The following CLSTN2 variants were observed in gnomAD, a reference collection of about 807,000 sequenced individuals.
CLSTN2 encodes calsyntenin-2.
Under a neutral mutation model 101.2 loss-of-function variants are expected in CLSTN2, and 48 were observed. The ratio of observed to expected loss-of-function variants is 0.47; its 90% CI spans 0.38 to 0.60. CLSTN2 has a LOEUF of 0.60. Among genes scored for constraint, CLSTN2 ranks in the 20% least tolerant of loss-of-function variants. CLSTN2 has a pLI of 0.00. For synonymous variants in CLSTN2, 481 were observed against 463.6 expected, an observed-to-expected ratio of 1.04 and a Z score of -0.48; for missense variants, 1,160 against 1,238.2, an observed-to-expected ratio of 0.94 and a Z score of 0.95.
chr3:140,052,122 G>T (rs998874808), intron 1 of CLSTN2, among the ~76,000 whole-genome samples: 1 of 152,202 alleles, frequency 6.6e-6, no homozygotes, highest in Admixed American at 6.5e-5. Flanking sequence ...AGTCTGTGCA[G>T]TGGGCTCTTC....
intron 8 of CLSTN2, among the ~76,000 whole-genome samples, chr3:140,470,039 T>C (rs1443137064): frequency 6.6e-6 from 1 of 152,198 alleles, no homozygotes; most frequent in Admixed American, 6.5e-5. Flanking sequence ...TACAGAACTT[T>C]CTGGCCTTGG....
At chr3:139,994,347 C>A (rs1936165587) in intron 1 of CLSTN2, among the ~76,000 whole-genome samples, 1 of 152,148 alleles carries the variant, frequency 6.6e-6, no homozygotes, top group South Asian at 2.1e-4. Context: ...GTCATAATTC[C>A]ACATCCATGT....
At chr3:140,015,167 C>G (rs2007175985) in intron 1 of CLSTN2, among the ~76,000 whole-genome samples, 1 of 152,176 alleles carries the variant, frequency 6.6e-6, no homozygotes. Context: ...CCTACTCTTA[C>G]AAGGGACTAC....
intron 1 of CLSTN2, among the ~76,000 whole-genome samples, chr3:139,948,286 G>A (rs552299087): frequency 6.6e-6 from 1 of 152,150 alleles, no homozygotes; most frequent in South Asian, 2.1e-4. Flanking sequence ...TGGAAAATGT[G>A]AGCAAAAGCA....
At chr3:140,432,926 G>A (rs1266612872) in intron 5 of CLSTN2, among the ~76,000 whole-genome samples, 2 of 152,172 alleles carry the variant, frequency 1.3e-5, no homozygotes, top group African/African-American at 4.8e-5. Flanking sequence ...CATGCACGTG[G>A]TCATTTATTC....
chr3:140,483,556 CATT>C (rs1934172992), intron 8 of CLSTN2, among the ~76,000 whole-genome samples: 1 of 152,090 alleles, frequency 6.6e-6, no homozygotes, highest in Non-Finnish European at 1.5e-5. Flanking sequence ...TAAACTCTCC[CATT>C]ATTATTGTGT....
chr3:140,404,922 G>A (rs1272729207), intron 4 of CLSTN2, among the ~76,000 whole-genome samples, 156 bp downstream of exon 4: 2 of 152,248 alleles, frequency 1.3e-5, no homozygotes, highest in Non-Finnish European at 2.9e-5. Flanking sequence ...TCCCACACTT[G>A]AGGGAATGGC....
intron 1 of CLSTN2, among the ~76,000 whole-genome samples, chr3:139,991,985 T>C (rs1398828369): frequency 6.6e-6 from 1 of 152,194 alleles, no homozygotes; most frequent in Non-Finnish European, 1.5e-5. Flanking sequence ...TTGAGACCCA[T>C]TGTCCAGGTC....
chr3:140,485,725 G>C (rs1934226878), intron 8 of CLSTN2, among the ~76,000 whole-genome samples: 1 of 152,140 alleles, frequency 6.6e-6, no homozygotes, highest in Admixed American at 6.5e-5. Flanking sequence ...AGCAATGAGT[G>C]AGGCTCCATG....
rs546682978 is a variant in CLSTN2 at position 140,114,100 on chromosome 3, C to T, written c.110-61851C>T. ...TGGAGTTCAGGATGAGGCTCAGATT[C>T]CTTGCCTTGCCCATAAGGCTCAAAA... On this transcript the variant is annotated intron_variant, in intron 1 of 16. Coordinates refer to ENST00000458420, the MANE Select transcript of CLSTN2 (RefSeq NM_022131.3). Among the ~76,000 whole-genome samples the T allele has an allele frequency of 2.6e-5, 4 of 152,244 alleles. No homozygotes were observed. The South Asian group carries it at 8.3e-4, about 32-fold the overall frequency.
chr3:140,454,597 A>G (rs550362311), intron 6 of CLSTN2: 1 of 152,350 alleles, frequency 6.6e-6, no homozygotes, highest in South Asian at 2.1e-4. Flanking sequence ...ATGCTGTAGT[A>G]ACAACTGACC....
At chr3:140,298,703 C>T (rs1414328661) in intron 2 of CLSTN2, among the ~76,000 whole-genome samples, 1 of 152,188 alleles carries the variant, frequency 6.6e-6, no homozygotes, top group Non-Finnish European at 1.5e-5. Context: ...AGGCAATAAA[C>T]TTCCTCCAAA....
chr3:140,028,245 G>C (rs1289277726), intron 1 of CLSTN2, among the ~76,000 whole-genome samples: 1 of 152,128 alleles, frequency 6.6e-6, no homozygotes, highest in Admixed American at 6.6e-5. Flanking sequence ...TCAAGGTTGT[G>C]CTGTCCATTC....
intron 1 of CLSTN2, among the ~76,000 whole-genome samples, chr3:140,134,934 C>T (rs569843644): frequency 1.3e-5 from 2 of 151,822 alleles, no homozygotes; most frequent in East Asian, 3.9e-4. Context: ...GGAAAGGTGA[C>T]TATATGAACA....
chr3:140,551,098 T>C (rs1211766237), intron 10 of CLSTN2, among the ~76,000 whole-genome samples: 21 of 152,222 alleles, frequency 1.4e-4, no homozygotes, highest in African/African-American at 5.1e-4. Flanking sequence ...GTTCATGCTC[T>C]TTCCTCCATA....
chr3:140,021,179 A>G (rs893237521), intron 1 of CLSTN2, among the ~76,000 whole-genome samples: 2 of 152,110 alleles, frequency 1.3e-5, no homozygotes, highest in South Asian at 2.1e-4. Context: ...ATTGCTAGCT[A>G]CATAGACCAT....
chr3:140,109,930 A>T (rs1438647016), intron 1 of CLSTN2, among the ~76,000 whole-genome samples: 1 of 152,106 alleles, frequency 6.6e-6, no homozygotes, highest in Admixed American at 6.5e-5. Flanking sequence ...GAAATGTGTT[A>T]AAAGCACCCC....
At chr3:140,208,848 G>C (rs1210021250) in intron 2 of CLSTN2, among the ~76,000 whole-genome samples, 1 of 152,132 alleles carries the variant, frequency 6.6e-6, no homozygotes, top group Non-Finnish European at 1.5e-5. Flanking sequence ...GGAGAATAAA[G>C]GGAGTCAGTA....
intron 2 of CLSTN2, among the ~76,000 whole-genome samples, chr3:140,323,343 G>A (rs112077755): frequency 9.0e-4 from 137 of 152,284 alleles, no homozygotes; most frequent in African/African-American, 3.1e-3. Context: ...GTCTGGACCC[G>A]TCTCCTCTTC....
Sources: allele counts gnomAD v4.1 joint callset (sites outside exome capture counted in the v4.1 genomes callset), GRCh38; gene constraint gnomAD v4.1.1; transcripts MANE v1.5; gene names NCBI Gene and HGNC (gene_info 2026-07-23, HGNC 2026-07-21).